Variants in SEMA6D observed in about 807,000 individuals in gnomAD.
The protein encoded by SEMA6D is semaphorin 6D.
A neutral mutation model predicts 106.6 loss-of-function variants in SEMA6D; 35 were observed. The observed-to-expected ratio is 0.33, with a 90% confidence interval of 0.25 to 0.44. The LOEUF (loss-of-function observed/expected upper bound fraction) is 0.44, where lower values mean the gene tolerates loss of function less well. SEMA6D is among the 20% of genes least tolerant of loss of function. The probability of loss-of-function intolerance (pLI) is 1.00; values close to 1 mark genes in which losing one functional copy is unlikely to be tolerated. For missense variants in SEMA6D, 1,185 were observed against 1,345.9 expected (o/e 0.88, Z 1.87); for synonymous variants, 499 against 487.7 (o/e 1.02, Z -0.31).
intron 2 of SEMA6D, among the ~76,000 whole-genome samples, chr15:47,463,593 C>T (rs1390872): frequency 1.2e-3 from 185 of 152,244 alleles, no homozygotes; most frequent in African/African-American, 4.0e-3. Context: ...GATAGTATGT[C>T]GGGGGAATCC....
chr15:47,215,602 GAC>G (rs1223879596), intron 1 of SEMA6D, among the ~76,000 whole-genome samples: 4 of 152,008 alleles, frequency 2.6e-5, no homozygotes, highest in African/African-American at 4.8e-5. Flanking sequence ...ATATATATGA[GAC>G]ACATATTCAT....
At chr15:47,683,596 T>C (rs1029659042) in intron 4 of SEMA6D, among the ~76,000 whole-genome samples, 1 of 152,228 alleles carries the variant, frequency 6.6e-6, no homozygotes, top group African/African-American at 2.4e-5. Context: ...ATATATTTGG[T>C]TATATATCTT....
intron 1 of SEMA6D, among the ~76,000 whole-genome samples, chr15:47,330,438 G>C (rs1324266784): frequency 6.6e-6 from 1 of 152,178 alleles, no homozygotes; most frequent in African/African-American, 2.4e-5. Flanking sequence ...GGATGGGAGA[G>C]GCTATCATGG....
intron 1 of SEMA6D, among the ~76,000 whole-genome samples, chr15:47,382,520 A>G (rs549943627): frequency 1.3e-5 from 2 of 152,322 alleles, no homozygotes; most frequent in Admixed American, 1.3e-4. Flanking sequence ...AAGAAAAAAA[A>G]AGGGACCACA....
At chr15:47,320,470 G>A (rs2036881698) in intron 1 of SEMA6D, among the ~76,000 whole-genome samples, 1 of 152,170 alleles carries the variant, frequency 6.6e-6, no homozygotes, top group South Asian at 2.1e-4. Flanking sequence ...TATATGCAGT[G>A]ATTCCACATT....
intron 2 of SEMA6D, among the ~76,000 whole-genome samples, chr15:47,442,197 T>C (rs1459871409): frequency 1.3e-5 from 2 of 152,142 alleles, no homozygotes; most frequent in East Asian, 1.9e-4. Context: ...ATTCCTTATA[T>C]GGTGCACATC....
intron 3 of SEMA6D, among the ~76,000 whole-genome samples, chr15:47,541,119 G>A (rs1468454659): frequency 6.6e-6 from 1 of 152,056 alleles, no homozygotes. Context: ...CTGCCTTCAG[G>A]GAGCTTTCTG....
At chr15:47,700,073 A>G (rs1055046873) in intron 4 of SEMA6D, among the ~76,000 whole-genome samples, 6 of 152,230 alleles carry the variant, frequency 3.9e-5, no homozygotes, top group Non-Finnish European at 7.3e-5. Context: ...AATATGTACA[A>G]CATAGGTACA....
At chr15:47,235,616 A>G (rs146052330) in intron 1 of SEMA6D, among the ~76,000 whole-genome samples, 50 of 152,126 alleles carry the variant, frequency 3.3e-4, no homozygotes, top group African/African-American at 1.2e-3. Context: ...TTTGTTGAAG[A>G]TCAGTTGGTT....
intron 2 of SEMA6D, among the ~76,000 whole-genome samples, chr15:47,468,023 A>G (rs1186234677): frequency 2.0e-5 from 3 of 152,156 alleles, no homozygotes; most frequent in Non-Finnish European, 2.9e-5. Context: ...GCATAGGCCA[A>G]TACATATGTT....
intron 1 of SEMA6D, among the ~76,000 whole-genome samples, chr15:47,355,141 A>C (rs1567021664): frequency 2.1e-5 from 3 of 145,014 alleles, no homozygotes; most frequent in African/African-American, 2.7e-5. Flanking sequence ...AGTGGTAGAG[A>C]AAAGAGGGAG....
chr15:47,259,659 A>T (rs1438738641), intron 1 of SEMA6D, among the ~76,000 whole-genome samples: 1 of 151,996 alleles, frequency 6.6e-6, no homozygotes, highest in African/African-American at 2.4e-5. Context: ...CTTGGTATGC[A>T]TTTCTCTGGA....
intron 1 of SEMA6D, among the ~76,000 whole-genome samples, chr15:47,745,145 C>A (rs528146390): frequency 6.6e-6 from 1 of 152,324 alleles, no homozygotes; most frequent in East Asian, 1.9e-4. Context: ...GCGTAATTAT[C>A]TCTGGCATTA....
chr15:47,768,778 A>T (rs934462619), intron 18 of SEMA6D, 30 bp downstream of exon 18: 2 of 1,593,466 alleles, frequency 1.3e-6, no homozygotes, highest in Admixed American at 3.4e-5. Flanking sequence ...CTCATCTCTA[A>T]CTGCGTGGAA....
At chr15:47,442,699 T>C (rs1371727320) in intron 2 of SEMA6D, among the ~76,000 whole-genome samples, 1 of 152,122 alleles carries the variant, frequency 6.6e-6, no homozygotes, top group Non-Finnish European at 1.5e-5. Flanking sequence ...ATTACTGTTA[T>C]TTGCTCAGAT....
At chr15:47,350,012 A>G (rs1445222637) in intron 1 of SEMA6D, among the ~76,000 whole-genome samples, 2 of 152,230 alleles carry the variant, frequency 1.3e-5, no homozygotes, top group South Asian at 2.1e-4. Flanking sequence ...CATTTCAGAA[A>G]TCAGCATAAT....
intron 1 of SEMA6D, among the ~76,000 whole-genome samples, chr15:47,304,523 C>T (rs906841550): frequency 1.4e-5 from 2 of 142,288 alleles, no homozygotes; most frequent in African/African-American, 5.5e-5. Flanking sequence ...AGAAAACAGA[C>T]ACAAAGAAAT....
chr15:47,264,259 G>A (rs2034212408), intron 1 of SEMA6D, among the ~76,000 whole-genome samples: 1 of 151,898 alleles, frequency 6.6e-6, no homozygotes, highest in Non-Finnish European at 1.5e-5. Flanking sequence ...ATATCTGGGT[G>A]ATGAAATACT....
In SEMA6D at chr15:47,717,767, C is replaced by CTGTGTGTGTGTGTGTG. The variant is rs112847344; in HGVS notation, c.-55+88_-55+103dup. ...GGTCGGAACCTGAGATCCCGAATCGCTGTGTGTGTGTGTGTGTGTGTGTGT... is the reference window on the plus strand; with the variant it reads ...GGTCGGAACCTGAGATCCCGAATCGCTGTGTGTGTGTGTGTGTGTGTGTGTGTGTGTGTGTGTGTGT... On this transcript the variant is annotated intron_variant, in intron 1 of 18. Coordinates refer to ENST00000536845, the MANE Select transcript of SEMA6D (RefSeq NM_001358351.3). The CTGTGTGTGTGTGTGTG allele has an allele frequency of 2.3e-4, 27 of 115,354 alleles. 4 individuals carry two copies. The highest frequency in any genetic ancestry group is 1.1e-3 in the African/African-American group (27 of 25,164). The allele number at this position is 115,354 out of a possible 1,614,324, so 7.1% of individuals were successfully genotyped here.
Sources: allele counts gnomAD v4.1 joint callset (sites outside exome capture counted in the v4.1 genomes callset), GRCh38; gene constraint gnomAD v4.1.1; transcripts MANE v1.5; gene names NCBI Gene and HGNC (gene_info 2026-07-23, HGNC 2026-07-21).